CCDC148: variants seen among roughly 807,000 people sequenced by gnomAD.
The protein encoded by CCDC148 is coiled-coil domain-containing protein 148.
In CCDC148, 89 loss-of-function variants were observed where a neutral mutation model predicts 85.7. The observed-to-expected ratio is 1.04, with a 90% CI of 0.87 to 1.24. CCDC148 has a LOEUF of 1.24. Among genes scored for constraint, CCDC148 ranks in the 50% most tolerant of loss-of-function variants. The pLI is 0.00. For missense variants in CCDC148, 692 were observed against 671.7 expected (o/e 1.03, Z -0.33); for synonymous variants, 230 against 213.9 (o/e 1.08, Z -0.66).
chr2:158,215,627 G>A (rs1015372842), intron 11 of CCDC148, among the ~76,000 whole-genome samples: 1 of 151,700 alleles, frequency 6.6e-6, no homozygotes, highest in African/African-American at 2.4e-5. Context: ...CATGTGCCAC[G>A]TTGGTGTGCT....
chr2:158,443,845 C>T (rs66522829), intron 1 of CCDC148, among the ~76,000 whole-genome samples: 25,327 of 152,150 alleles, frequency 0.17, 2,278 homozygotes, highest in Middle Eastern at 0.21. Flanking sequence ...GGCTACAAGC[C>T]AGCCACACCT....
At chr2:158,219,044 T>C (rs1343633480) in intron 11 of CCDC148, among the ~76,000 whole-genome samples, 1 of 152,180 alleles carries the variant, frequency 6.6e-6, no homozygotes, top group East Asian at 1.9e-4. Context: ...TAGATACAAG[T>C]GAATCTCATT....
intron 9 of CCDC148, among the ~76,000 whole-genome samples, chr2:158,265,637 C>T (rs1689423861): frequency 6.6e-6 from 1 of 152,022 alleles, no homozygotes; most frequent in African/African-American, 2.4e-5. Flanking sequence ...TAGCTGGGTC[C>T]ACTTCCTCTT....
At chr2:158,234,445 C>T (rs1335380124) in intron 10 of CCDC148, among the ~76,000 whole-genome samples, 1 of 151,996 alleles carries the variant, frequency 6.6e-6, no homozygotes, top group Non-Finnish European at 1.5e-5. Context: ...AGCTCATTTA[C>T]CTCTGGTAGG....
chr2:158,381,080 T>A (rs1684850367), intron 1 of CCDC148: 1 of 152,102 alleles, frequency 6.6e-6, no homozygotes, highest in Non-Finnish European at 1.5e-5. Context: ...TTTAAAAAAA[T>A]GTTCATCTTA....
intron 1 of CCDC148, among the ~76,000 whole-genome samples, chr2:158,401,107 T>C (rs1373554854): frequency 3.9e-5 from 6 of 151,944 alleles, no homozygotes; most frequent in Non-Finnish European, 7.4e-5. Context: ...TTGGTGGGAG[T>C]GTAAATTAAT....
intron 7 of CCDC148, among the ~76,000 whole-genome samples, chr2:158,321,462 C>A (rs1692516160): frequency 6.6e-6 from 1 of 152,120 alleles, no homozygotes. Flanking sequence ...TGGCACACAA[C>A]CAGCTCAGAC....
chr2:158,357,170 G>T (rs970562607), intron 2 of CCDC148, among the ~76,000 whole-genome samples: 1 of 150,946 alleles, frequency 6.6e-6, no homozygotes, highest in South Asian at 2.1e-4. Flanking sequence ...AATGGCACAT[G>T]TATACATATG....
intron 1 of CCDC148, among the ~76,000 whole-genome samples, chr2:158,368,486 A>T (rs1559103828): frequency 6.6e-6 from 1 of 152,098 alleles, no homozygotes; most frequent in Non-Finnish European, 1.5e-5. Flanking sequence ...CTTGAACAGA[A>T]TTTTTTATGT....
intron 10 of CCDC148, among the ~76,000 whole-genome samples, chr2:158,240,431 C>CTT (rs1688298119): frequency 1.2e-5 from 1 of 80,436 alleles, no homozygotes; most frequent in Non-Finnish European, 2.8e-5. Context: ...AGATCACTCT[C>CTT]TCTTTCTCTC....
At chr2:158,328,806 T>C (rs1395183575) in intron 7 of CCDC148, among the ~76,000 whole-genome samples, 2 of 152,268 alleles carry the variant, frequency 1.3e-5, no homozygotes, top group African/African-American at 4.8e-5. Flanking sequence ...ACTGCATAAA[T>C]GTCTTCTTTT....
At chr2:158,281,750 A>C (rs1690316048) in intron 9 of CCDC148, among the ~76,000 whole-genome samples, 1 of 152,208 alleles carries the variant, frequency 6.6e-6, no homozygotes, top group Non-Finnish European at 1.5e-5. Flanking sequence ...CAATAGAAAA[A>C]GAGGGAATCC....
intron 3 of CCDC148, 31 bp from the exon 4 acceptor site, chr2:158,340,711 C>G: frequency 8.1e-7 from 1 of 1,238,028 alleles, no homozygotes; most frequent in South Asian, 1.4e-5. Context: ...ATAAATGTTA[C>G]AATCATAAAC....
intron 10 of CCDC148, among the ~76,000 whole-genome samples, chr2:158,229,227 T>G (rs767957670): frequency 1.1e-4 from 16 of 152,184 alleles, no homozygotes; most frequent in Non-Finnish European, 1.9e-4. Flanking sequence ...CAATAGACTC[T>G]GTGACCAGAA....
intron 1 of CCDC148, among the ~76,000 whole-genome samples, chr2:158,424,277 T>C (rs1574796311): frequency 6.6e-6 from 1 of 152,168 alleles, no homozygotes; most frequent in Non-Finnish European, 1.5e-5. Flanking sequence ...TGTATGTTTA[T>C]TGCGGCACTA....
At chr2:158,266,313 C>T (rs1000233121) in intron 9 of CCDC148, among the ~76,000 whole-genome samples, 1 of 152,098 alleles carries the variant, frequency 6.6e-6, no homozygotes, top group African/African-American at 2.4e-5. Flanking sequence ...TTAAGGGAGG[C>T]AGCTGCTTTG....
intron 9 of CCDC148, among the ~76,000 whole-genome samples, chr2:158,286,838 T>G (rs2105182992): frequency 6.6e-6 from 1 of 152,070 alleles, no homozygotes; most frequent in Non-Finnish European, 1.5e-5. Context: ...AAGTCTAGGA[T>G]TATGGGTCTG....
intron 1 of CCDC148, among the ~76,000 whole-genome samples, chr2:158,454,763 T>C (rs1477161684): frequency 6.6e-6 from 1 of 152,240 alleles, no homozygotes; most frequent in Non-Finnish European, 1.5e-5. Flanking sequence ...AATGAAGTGA[T>C]TCTTTAACCT....
At chr2:158,387,194 G>A (rs1685120759) in intron 1 of CCDC148, among the ~76,000 whole-genome samples, 1 of 151,904 alleles carries the variant, frequency 6.6e-6, no homozygotes, top group Admixed American at 6.6e-5. Flanking sequence ...GCAAGCTTTG[G>A]GCACTAGATG....
Sources: gnomAD v4.1 joint callset for allele counts (sites outside exome capture counted in the v4.1 genomes callset) on GRCh38, gnomAD v4.1.1 for gene constraint, MANE v1.5 for transcripts, NCBI Gene and HGNC (gene_info 2026-07-23, HGNC 2026-07-21) for gene names.